PLA2G4A: variants seen among roughly 807,000 people sequenced by gnomAD.
The protein encoded by PLA2G4A is phospholipase A2 group IVA.
A neutral mutation model predicts 81.9 loss-of-function variants in PLA2G4A; 40 were observed. That is an observed-to-expected ratio of 0.49 (90% CI 0.38 to 0.64). The LOEUF (loss-of-function observed/expected upper bound fraction) is 0.64. Among genes scored for constraint, PLA2G4A ranks in the 30% least tolerant of loss-of-function variants. PLA2G4A has a pLI of 0.00. For missense variants in PLA2G4A, 715 were observed against 905.1 expected, an observed-to-expected ratio of 0.79 and a Z score of 2.69; for synonymous variants, 302 against 296.9, an observed-to-expected ratio of 1.02 and a Z score of -0.18.
intron 10 of PLA2G4A, among the ~76,000 whole-genome samples, chr1:186,943,524 A>G (rs1571426605): frequency 6.6e-6 from 1 of 152,172 alleles, no homozygotes; most frequent in Admixed American, 6.6e-5. Context: ...ATATACCTAG[A>G]CCTGACATAA....
chr1:186,886,265 C>G (rs1401569830), intron 3 of PLA2G4A, among the ~76,000 whole-genome samples: 1 of 152,032 alleles, frequency 6.6e-6, no homozygotes, highest in African/African-American at 2.4e-5. Context: ...AAACGAAGTC[C>G]AGAAACAGAC....
At chr1:186,950,920 T>C (rs565089562) in intron 13 of PLA2G4A, among the ~76,000 whole-genome samples, 192 bp downstream of exon 13, 1 of 152,336 alleles carries the variant, frequency 6.6e-6, no homozygotes, top group East Asian at 1.9e-4. Flanking sequence ...TATAAATCCC[T>C]AATTTATTTT....
chr1:186,908,919 G>T (rs1320325286), intron 6 of PLA2G4A, among the ~76,000 whole-genome samples: 29 of 150,956 alleles, frequency 1.9e-4, no homozygotes, highest in Non-Finnish European at 2.9e-5. Flanking sequence ...AAGTTGAGGA[G>T]GTGTCATAGA....
chr1:186,949,346 G>A (rs1031533682), intron 12 of PLA2G4A, among the ~76,000 whole-genome samples: 2 of 96,516 alleles, frequency 2.1e-5, no homozygotes, highest in Non-Finnish European at 4.7e-5. Flanking sequence ...AAGAAAGAAA[G>A]AGAAAGAAAG....
chr1:186,846,839 T>C (rs1466578733), intron 1 of PLA2G4A, among the ~76,000 whole-genome samples: 1 of 152,134 alleles, frequency 6.6e-6, no homozygotes, highest in African/African-American at 2.4e-5. Flanking sequence ...AACTATATTT[T>C]TGAGTTATTT....
chr1:186,870,682 G>C (rs1247622318), intron 3 of PLA2G4A, 166 bp downstream of exon 3: 1 of 1,465,300 alleles, frequency 6.8e-7, no homozygotes, highest in Non-Finnish European at 9.4e-7. Flanking sequence ...CTATCTGTCA[G>C]ATTAGCATTT....
At chr1:186,928,597 C>A (rs1160404942) in intron 7 of PLA2G4A, among the ~76,000 whole-genome samples, 2 of 152,152 alleles carry the variant, frequency 1.3e-5, no homozygotes, top group East Asian at 1.9e-4. Flanking sequence ...TATAATAAAT[C>A]TCTTTCTGTA....
chr1:186,925,548 C>T (rs1168816916), intron 7 of PLA2G4A, among the ~76,000 whole-genome samples: 1 of 152,124 alleles, frequency 6.6e-6, no homozygotes, highest in Non-Finnish European at 1.5e-5. Flanking sequence ...TTGGAGGTCT[C>T]CTGTACAGCG....
At chr1:186,947,644 C>CA (rs1656392128) in intron 12 of PLA2G4A, among the ~76,000 whole-genome samples, 2 of 152,026 alleles carry the variant, frequency 1.3e-5, no homozygotes, top group African/African-American at 4.8e-5. Flanking sequence ...CAGTTTCTTC[C>CA]AAAAGCCTTG....
intron 3 of PLA2G4A, 182 bp downstream of exon 3, chr1:186,870,698 G>T: frequency 1.3e-6 from 2 of 1,540,666 alleles, no homozygotes. Context: ...CATTTTACCT[G>T]GGCCTTAAAT....
intron 3 of PLA2G4A, among the ~76,000 whole-genome samples, chr1:186,881,911 G>C (rs1036397494): frequency 1.3e-5 from 2 of 152,020 alleles, no homozygotes; most frequent in Non-Finnish European, 2.9e-5. Flanking sequence ...CTTCATGTGA[G>C]ACTCTTGGAC....
Position 186,870,487 on chromosome 1 carries a change from A to G in PLA2G4A, c.86A>G (p.Lys29Arg), listed in dbSNP as rs754901787. The change falls in exon 3 of 18, where the codon AAA becomes AGA. Residue 29 changes from lysine to arginine, a missense_variant. By Grantham distance (26) the Lys-to-Arg change is conservative (BLOSUM62 2). Coordinates refer to ENST00000367466, the MANE Select transcript of PLA2G4A (RefSeq NM_024420.3). ...KFTVVVLRATKVTKGAFGDML... is the reference protein window; with the variant it reads ...KFTVVVLRATRVTKGAFGDML... ...ACGGTAGTGGTGTTACGTGCCACCA[A>G]AGTGACAAAGGGGGCCTTTGGTGAC... 9.3e-6 allele frequency: 15 copies of G among 1,611,930 alleles called. No individual in the cohort carries two copies. The highest frequency in any genetic ancestry group is 6.7e-5 in the East Asian group (3 of 44,872).
chr1:186,893,710 G>T (rs1189933701), intron 4 of PLA2G4A, among the ~76,000 whole-genome samples: 1 of 152,074 alleles, frequency 6.6e-6, no homozygotes, highest in Non-Finnish European at 1.5e-5. Flanking sequence ...GATCACTTGA[G>T]GTCAGGAGCT....
intron 1 of PLA2G4A, among the ~76,000 whole-genome samples, chr1:186,839,948 T>C (rs1651919517): frequency 6.6e-6 from 1 of 150,832 alleles, no homozygotes; most frequent in African/African-American, 2.4e-5. Flanking sequence ...CTACATGTAT[T>C]TCAACATAAT....
At chr1:186,922,347 G>A (rs951924230) in intron 7 of PLA2G4A, among the ~76,000 whole-genome samples, 14 of 152,198 alleles carry the variant, frequency 9.2e-5, no homozygotes, top group African/African-American at 2.4e-4. Context: ...CAGGCATGCC[G>A]TGGGTGATCA....
At chr1:186,928,292 C>G (rs1655620549) in intron 7 of PLA2G4A, among the ~76,000 whole-genome samples, 3 of 152,050 alleles carry the variant, frequency 2.0e-5, no homozygotes, top group Admixed American at 6.6e-5. Context: ...AGCAAATGTC[C>G]CATATCAGAA....
rs12720580 is a variant in PLA2G4A, at chr1:186,927,762, C to T, written c.559-5001C>T. On this transcript the variant is annotated intron_variant, in intron 7 of 17. Transcript: ENST00000367466. ...AGTTAAGTGAAAGTCTAGAGAAAGACAGATCATCTAGTCATGGAGGGAGAG... is the reference window on the plus strand; with the variant it reads ...AGTTAAGTGAAAGTCTAGAGAAAGATAGATCATCTAGTCATGGAGGGAGAG... 8.6e-3 allele frequency among the ~76,000 whole-genome samples: 1,308 copies of T among 152,296 alleles called. 22 individuals carry two copies. Among genetic ancestry groups the T allele is most frequent in the African/African-American group, 0.029 (1,189 of 41,558 alleles).
intron 13 of PLA2G4A, among the ~76,000 whole-genome samples, chr1:186,953,435 A>G (rs999934992): frequency 6.6e-6 from 1 of 152,300 alleles, no homozygotes; most frequent in East Asian, 1.9e-4. Context: ...TATTGAATTT[A>G]AAGTGTTCTT....
chr1:186,906,906 C>T, intron 5 of PLA2G4A, 59 bp from the exon 6 acceptor site: 1 of 841,518 alleles, frequency 1.2e-6, no homozygotes, highest in Non-Finnish European at 2.0e-6. Flanking sequence ...GAGTTTGTTT[C>T]CATGATATAA....
Sources: allele counts gnomAD v4.1 joint callset (sites outside exome capture counted in the v4.1 genomes callset), GRCh38; gene constraint gnomAD v4.1.1; transcripts MANE v1.5; gene names NCBI Gene and HGNC (gene_info 2026-07-23, HGNC 2026-07-21).